PRKN: variants seen among roughly 807,000 people sequenced by gnomAD.
The protein encoded by PRKN is E3 ubiquitin-protein ligase parkin.
PRKN carries 56 observed loss-of-function variants against 59.5 expected under a neutral mutation model. The ratio of observed to expected loss-of-function variants is 0.94; its 90% confidence interval spans 0.76 to 1.18. The LOEUF is 1.18. PRKN is among the 50% of genes most tolerant of loss of function. The probability of loss-of-function intolerance (pLI) is 0.00; values close to 1 mark genes in which losing one functional copy is unlikely to be tolerated. For synonymous variants in PRKN, 250 were observed against 222.1 expected, an observed-to-expected ratio of 1.13 and a Z score of -1.12; for missense variants, 657 against 596.4, an observed-to-expected ratio of 1.10 and a Z score of -1.06.
intron 6 of PRKN, among the ~76,000 whole-genome samples, chr6:161,899,108 G>A (rs766002241): frequency 1.2e-4 from 19 of 152,186 alleles, no homozygotes; most frequent in East Asian, 3.9e-4. Context: ...CCTCCACCCC[G>A]CAGCTATGTC....
intron 1 of PRKN, among the ~76,000 whole-genome samples, chr6:162,443,741 C>T (rs1188353443): frequency 3.3e-5 from 5 of 152,134 alleles, no homozygotes; most frequent in African/African-American, 9.7e-5. Flanking sequence ...TCCTGGGAAA[C>T]AGAGAGACTT....
chr6:161,593,792 T>C lies in PRKN; in HGVS notation c.872-24376A>G, dbSNP rs780274911. On this transcript the variant is annotated intron_variant, in intron 7 of 11. Coordinates refer to ENST00000366898, the MANE Select transcript of PRKN (RefSeq NM_004562.3). The surrounding 1 kb of genome is among the most constrained non-coding windows in gnomAD (Gnocchi z 4.8). ...GTAGCCAAGAGAAGAAGGTGAGTGT[T>C]TGGAGAGTAGAGAGTGACACACCAA... 1.3e-4 allele frequency among the ~76,000 whole-genome samples: 20 copies of C among 151,862 alleles called. No individual in the cohort carries two copies. The highest frequency in any genetic ancestry group is 2.5e-4 in the Non-Finnish European group (17 of 67,932).
chr6:161,663,350 T>C (rs565211331), intron 7 of PRKN, among the ~76,000 whole-genome samples: 4 of 152,304 alleles, frequency 2.6e-5, no homozygotes, highest in Admixed American at 2.6e-4. Flanking sequence ...GTGTCTTTGT[T>C]TCCTTCCCTG....
chr6:162,693,851 AT>A (rs1268167664), intron 1 of PRKN, among the ~76,000 whole-genome samples: 3 of 152,246 alleles, frequency 2.0e-5, no homozygotes, highest in Non-Finnish European at 1.5e-5. Flanking sequence ...GCACATGCAT[AT>A]TTAACATGAT....
chr6:162,299,425 T>G (rs1414523450), intron 2 of PRKN, among the ~76,000 whole-genome samples: 1 of 152,116 alleles, frequency 6.6e-6, no homozygotes, highest in Non-Finnish European at 1.5e-5. Flanking sequence ...TCTCCCTCTT[T>G]GTGAGCAGCT....
chr6:161,771,409 T>G (rs1462660239), intron 7 of PRKN, among the ~76,000 whole-genome samples: 1 of 150,228 alleles, frequency 6.7e-6, no homozygotes, highest in African/African-American at 2.4e-5. Flanking sequence ...AAAGCACTGC[T>G]GTGCTTGAGC....
intron 6 of PRKN, among the ~76,000 whole-genome samples, chr6:161,928,547 T>G (rs920451654): frequency 6.6e-5 from 10 of 152,240 alleles, no homozygotes; most frequent in Admixed American, 6.5e-5. Flanking sequence ...AGTTAAGTGG[T>G]TCCGTATGGA....
At chr6:162,618,969 C>G (rs919633519) in intron 1 of PRKN, among the ~76,000 whole-genome samples, 2 of 152,126 alleles carry the variant, frequency 1.3e-5, no homozygotes, top group African/African-American at 4.8e-5. Flanking sequence ...CATAGTGACA[C>G]TAGCATCTAT....
chr6:161,904,705 G>A (rs764200604), intron 6 of PRKN, among the ~76,000 whole-genome samples: 21 of 152,172 alleles, frequency 1.4e-4, no homozygotes, highest in African/African-American at 1.9e-4. Flanking sequence ...GTGCCAAGTC[G>A]CAGATTCAGC....
At chr6:162,431,416 A>ACC (rs1789523118) in intron 2 of PRKN, among the ~76,000 whole-genome samples, 1 of 152,110 alleles carries the variant, frequency 6.6e-6, no homozygotes, top group Admixed American at 6.6e-5. Flanking sequence ...TATCTATAAA[A>ACC]ACACTATATG....
intron 6 of PRKN, among the ~76,000 whole-genome samples, chr6:161,921,933 A>T (rs1056697199): frequency 2.0e-5 from 3 of 152,200 alleles, no homozygotes; most frequent in Admixed American, 6.5e-5. Flanking sequence ...CAACATTTCA[A>T]TTACCAGAGA....
rs576111913 is a variant in PRKN at position 162,188,597 on chromosome 6, T to C, written c.534+12534A>G. 1.7e-3 allele frequency among the ~76,000 whole-genome samples: 255 copies of C among 152,304 alleles called. 1 individual carries two copies. Among genetic ancestry groups the C allele is most frequent in the Non-Finnish European group, 2.7e-3 (185 of 68,024 alleles). On this transcript the variant is annotated intron_variant, in intron 4 of 11. Transcript: ENST00000366898. The stretch of plus-strand genomic sequence containing the variant: ...AGGATCTTCTTTCATAGTCTTGCCA[T>C]ACCTTTCGTGGCTCCAACGCTGTTC...
intron 3 of PRKN, among the ~76,000 whole-genome samples, chr6:162,233,947 T>C (rs1778530500): frequency 6.6e-6 from 1 of 152,218 alleles, no homozygotes; most frequent in African/African-American, 2.4e-5. Context: ...CCAATAAACT[T>C]ATTTTATTAA....
intron 1 of PRKN, among the ~76,000 whole-genome samples, chr6:162,477,748 C>T (rs977337231): frequency 3.3e-5 from 5 of 152,124 alleles, no homozygotes; most frequent in Non-Finnish European, 7.4e-5. Context: ...CTAGGTCATG[C>T]TTCATATTCT....
In PRKN at chr6:162,029,522, A is replaced by G. The variant is rs1176075164; in HGVS notation, c.618+24569T>C. ...CTGAAATGGCCTATTTGCTCATCCC[A>G]GTTTCCTCGATGGCACCGTGCACCG... On this transcript the variant is annotated intron_variant, in intron 5 of 11. Transcript: ENST00000366898. Among the ~76,000 whole-genome samples the G allele has an allele frequency of 1.3e-5, 2 of 152,142 alleles. 1 individual carries two copies. The highest frequency in any genetic ancestry group is 2.9e-5 in the Non-Finnish European group (2 of 68,028).
chr6:162,463,586 T>C (rs1791274098), intron 1 of PRKN, among the ~76,000 whole-genome samples: 1 of 152,184 alleles, frequency 6.6e-6, no homozygotes, highest in Non-Finnish European at 1.5e-5. Flanking sequence ...TGTGTGCAGG[T>C]GTCACTTCAC....
intron 7 of PRKN, among the ~76,000 whole-genome samples, chr6:161,760,092 G>A (rs942897338): frequency 4.1e-5 from 6 of 146,512 alleles, no homozygotes; most frequent in African/African-American, 7.5e-5. Flanking sequence ...AAAAAAATCC[G>A]GTGGTCACAA....
chr6:162,066,564 G>A (rs983548075), intron 4 of PRKN, among the ~76,000 whole-genome samples: 1 of 152,130 alleles, frequency 6.6e-6, no homozygotes, highest in Non-Finnish European at 1.5e-5. Context: ...CCTAAGAAAG[G>A]AGCTTGCAGG....
intron 3 of PRKN, among the ~76,000 whole-genome samples, chr6:162,213,834 C>T (rs1170179267): frequency 3.5e-5 from 5 of 144,388 alleles, no homozygotes; most frequent in Non-Finnish European, 7.6e-5. Flanking sequence ...CACACACACA[C>T]ACACACACAC....
Sources: allele counts gnomAD v4.1 joint callset (sites outside exome capture counted in the v4.1 genomes callset), GRCh38; gene constraint gnomAD v4.1.1; non-coding constraint Gnocchi (gnomAD v3.1); transcripts MANE v1.5; gene names NCBI Gene and HGNC (gene_info 2026-07-23, HGNC 2026-07-21).